RERE: variants seen among roughly 807,000 people sequenced by gnomAD.
RERE encodes arginine-glutamic acid dipeptide repeats protein.
A neutral mutation model predicts 146.1 loss-of-function variants in RERE; 40 were observed. The observed-to-expected ratio is 0.27, with a 90% CI of 0.21 to 0.36. The LOEUF (loss-of-function observed/expected upper bound fraction) is 0.36. Among genes scored for constraint, RERE ranks in the 10% least tolerant of loss-of-function variants. RERE has a pLI of 1.00. For synonymous variants in RERE, 1,003 were observed against 866.0 expected, an observed-to-expected ratio of 1.16 and a Z score of -2.78; for missense variants, 1,933 against 2,138.7, an observed-to-expected ratio of 0.90 and a Z score of 1.90.
At chr1:8,465,479 G>A in intron 11 of RERE, 2 of 338,434 alleles carry the variant, frequency 5.9e-6, no homozygotes, top group South Asian at 2.3e-5. Flanking sequence ...TGGAGCCCAG[G>A]AGTTCAAAAC....
At chr1:8,659,241 G>A (rs1190530134) in intron 1 of RERE, among the ~76,000 whole-genome samples, 1 of 152,172 alleles carries the variant, frequency 6.6e-6, no homozygotes, top group Non-Finnish European at 1.5e-5. Context: ...TTTAGAGCAT[G>A]AACGAGCCAA....
intron 1 of RERE, among the ~76,000 whole-genome samples, chr1:8,754,672 T>A (rs1199845407): frequency 6.6e-6 from 1 of 152,222 alleles, no homozygotes; most frequent in Non-Finnish European, 1.5e-5. Flanking sequence ...ATTATGCTGA[T>A]GAAGTAGAAG....
In RERE at chr1:8,423,136, A is replaced by G; in HGVS notation, c.1204-329T>C. 1 of 239,920 alleles carries G rather than the reference A, an allele frequency of 4.2e-6. No homozygotes were observed. 14.9% of individuals were successfully genotyped at this position (239,920 alleles called of 1,614,324 possible). A position where few individuals can be genotyped will look rare whatever the true frequency, so the allele number is the denominator to read the frequency against. On this transcript the variant is annotated intron_variant, in intron 11 of 22. Coordinates refer to ENST00000400908, the MANE Select transcript of RERE (RefSeq NM_001042681.2). The surrounding 1 kb of genome is among the most constrained non-coding windows in gnomAD (Gnocchi z 5.4). ...GTGCACGAAGGTATAAATATGCTCC[A>G]TGTTTTAATAAAACACAACTGCTTT...
chr1:8,381,217 A>G, intron 12 of RERE: 1 of 350,350 alleles, frequency 2.9e-6, no homozygotes, highest in South Asian at 2.1e-5. Context: ...CCTGCAGGAT[A>G]TCAAGTTATG....
At chr1:8,455,984 T>C (rs1257002151) in intron 11 of RERE, among the ~76,000 whole-genome samples, 1 of 152,138 alleles carries the variant, frequency 6.6e-6, no homozygotes, top group East Asian at 1.9e-4. Flanking sequence ...CTAGGGAACA[T>C]TAAGCTTGGC....
intron 12 of RERE, among the ~76,000 whole-genome samples, chr1:8,389,555 C>T (rs750650982): frequency 1.3e-5 from 2 of 152,038 alleles, no homozygotes; most frequent in Admixed American, 6.5e-5. Flanking sequence ...TACAACAACA[C>T]AAAAAAGGTC....
At position 8,778,202 on chromosome 1, in the gene RERE, T is replaced by C. The variant is rs575317732; in HGVS notation, c.-145+38958A>G. ...AAGTATCAAATAATTCTCATTGTGA[T>C]GACCCCACATAGACTGTTGTCTTAA... is the stretch of plus-strand genomic sequence containing the variant. On this transcript the variant is annotated intron_variant, in intron 1 of 22. Transcript: ENST00000400908. 5.3e-5 allele frequency among the ~76,000 whole-genome samples: 8 copies of C among 152,346 alleles called. No individual in the cohort carries two copies. The East Asian group carries it at 1.5e-3, about 29-fold the overall frequency.
At chr1:8,647,213 C>T (rs1241898240) in intron 2 of RERE, among the ~76,000 whole-genome samples, 2 of 152,196 alleles carry the variant, frequency 1.3e-5, no homozygotes, top group African/African-American at 2.4e-5. Flanking sequence ...CCCTAACATA[C>T]TAACACACAG....
intron 15 of RERE, among the ~76,000 whole-genome samples, 195 bp from the exon 16 acceptor site, chr1:8,363,039 G>A (rs1178663282): frequency 2.6e-5 from 4 of 152,168 alleles, no homozygotes; most frequent in East Asian, 3.9e-4. Context: ...GGGAAGAGGT[G>A]GGGAAATCAG....
chr1:8,804,954 TA>T (rs1409300305), intron 1 of RERE, among the ~76,000 whole-genome samples: 1 of 152,060 alleles, frequency 6.6e-6, no homozygotes, highest in East Asian at 1.9e-4. Flanking sequence ...AAGAGTACTA[TA>T]TTTATTAAAC....
At chr1:8,431,318 T>C (rs1159365745) in intron 11 of RERE, among the ~76,000 whole-genome samples, 2 of 152,152 alleles carry the variant, frequency 1.3e-5, no homozygotes, top group African/African-American at 2.4e-5. Context: ...ACGAATCCTA[T>C]TGTGAACTGC....
At chr1:8,363,794 C>CT (rs1353040453) in intron 15 of RERE, 2 of 532,426 alleles carry the variant, frequency 3.8e-6, no homozygotes, top group Admixed American at 6.6e-5. Flanking sequence ...CAAGAGGGGC[C>CT]TTGGAGAGCC....
At chr1:8,798,550 TATC>T (rs1641525239) in intron 1 of RERE, 1 of 216,966 alleles carries the variant, frequency 4.6e-6, no homozygotes, top group Non-Finnish European at 9.9e-6. Flanking sequence ...GAAGCAAAGA[TATC>T]ATCATGAAGA....
chr1:8,739,474 A>G (rs1640264892), intron 1 of RERE, among the ~76,000 whole-genome samples: 1 of 152,188 alleles, frequency 6.6e-6, no homozygotes, highest in Non-Finnish European at 1.5e-5. Flanking sequence ...AGCACTGAAG[A>G]AACACCATGT....
At chr1:8,675,135 T>C (rs1265928326) in intron 1 of RERE, among the ~76,000 whole-genome samples, 2 of 152,182 alleles carry the variant, frequency 1.3e-5, no homozygotes, top group African/African-American at 4.8e-5. Context: ...CTCTCCTCCC[T>C]GCTTTACCTT....
intron 3 of RERE, among the ~76,000 whole-genome samples, chr1:8,619,543 G>A (rs913031767): frequency 6.6e-6 from 1 of 152,144 alleles, no homozygotes; most frequent in Non-Finnish European, 1.5e-5. Flanking sequence ...AATCCACACT[G>A]AATTTCCATG....
chr1:8,727,953 TGTAGCCCAGA>T (rs1557506691), intron 1 of RERE, among the ~76,000 whole-genome samples: 1 of 152,244 alleles, frequency 6.6e-6, no homozygotes, highest in African/African-American at 2.4e-5. Context: ...AATTAATCCA[TGTAGCCCAGA>T]GTTTTGTCTA....
intron 6 of RERE, among the ~76,000 whole-genome samples, chr1:8,548,227 G>A (rs1645890261): frequency 6.6e-6 from 1 of 152,196 alleles, no homozygotes; most frequent in African/African-American, 2.4e-5. Flanking sequence ...CAGTAACCTA[G>A]AGCAGCAAGG....
chr1:8,356,014 G>T lies in RERE; in HGVS notation c.4486+86C>A. On this transcript the variant is annotated intron_variant, in intron 21 of 22. Transcript: ENST00000400908. This position sits in a 1 kb window ranked among gnomAD's most constrained non-coding sequence, Gnocchi z 5.2. The stretch of plus-strand genomic sequence containing the variant: ...CCACCTGCTCAATGCATGAATGAAT[G>T]AATGAGTAATGAATGAAGACAGCAG... 1.5e-6 allele frequency: 2 copies of T among 1,362,320 alleles called. No homozygotes were observed. Among genetic ancestry groups the T allele is most frequent in the Non-Finnish European group, 1.9e-6 (2 of 1,026,820 alleles). The allele number at this position is 1,362,320 out of a possible 1,614,324, so 84.4% of individuals were successfully genotyped here.
Sources: gnomAD v4.1 joint callset for allele counts (sites outside exome capture counted in the v4.1 genomes callset) on GRCh38, gnomAD v4.1.1 for gene constraint, Gnocchi (gnomAD v3.1) non-coding constraint, MANE v1.5 for transcripts, NCBI Gene and HGNC (gene_info 2026-07-23, HGNC 2026-07-21) for gene names.